RAD52: variants seen among roughly 807,000 people sequenced by gnomAD.
RAD52 encodes RAD52 DNA repair protein.
In RAD52, 47 loss-of-function variants were observed where a neutral mutation model predicts 55.5. The observed-to-expected ratio is 0.85, with a 90% CI of 0.67 to 1.08. The LOEUF is 1.08. RAD52 is among the 50% of genes least tolerant of loss of function. The pLI is 0.00. For missense variants in RAD52, 468 were observed against 522.8 expected, an observed-to-expected ratio of 0.90 and a Z score of 1.02; for synonymous variants, 184 against 198.9, an observed-to-expected ratio of 0.92 and a Z score of 0.63.
chr12:974,738 CTAAG>C (rs997101648), intron 1 of RAD52: 4 of 152,188 alleles, frequency 2.6e-5, no homozygotes, highest in East Asian at 1.9e-4. Context: ...CTGTGATACT[CTAAG>C]TGTCTTACAT....
rs77675962 is a variant in RAD52 at position 936,841 on chromosome 12, T to C, written c.-18-3765A>G. The C allele has an allele frequency of 2.0e-5, 3 of 152,404 alleles. No homozygotes were observed. The East Asian group carries it at 5.8e-4, about 29-fold the overall frequency. The allele number at this position is 152,404 out of a possible 1,614,324, so 9.4% of individuals were successfully genotyped here. On this transcript the variant is annotated intron_variant, in intron 1 of 11. Coordinates refer to ENST00000358495, the MANE Select transcript of RAD52 (RefSeq NM_134424.4). ...CAAATCTTCTTGGCCTTGTGTGTCC[T>C]TGAGGCCCTTGGTCACTTTGTCCAC... is the stretch of plus-strand genomic sequence containing the variant.
At chr12:973,094 G>A (rs1958886644) in intron 1 of RAD52, among the ~76,000 whole-genome samples, 1 of 152,122 alleles carries the variant, frequency 6.6e-6, no homozygotes, top group African/African-American at 2.4e-5. Context: ...TTTTGAGACG[G>A]AGTCTCGCTC....
Position 916,456 on chromosome 12 carries a change from G to C in RAD52, c.753C>G (p.Ser251Arg). 3 of 1,607,252 alleles carry C rather than the reference G, an allele frequency of 1.9e-6. No homozygotes were observed. Among genetic ancestry groups the C allele is most frequent in the Non-Finnish European group, 2.5e-6 (3 of 1,179,324 alleles). The change falls in exon 9 of 12, where the codon AGC (serine) becomes AGG (arginine). Residue 251 changes from serine to arginine, a missense_variant. Physicochemically the swap from Ser to Arg is moderately radical, Grantham distance 110 (BLOSUM62 -1). Coordinates refer to ENST00000358495, the MANE Select transcript of RAD52 (RefSeq NM_134424.4). Reference sequence around the variant, plus strand: ...GGAGCTTCCGCTGGTGCGTGGCCTCGCTCTCCACGGCGGATGAGCTCAGGC... The same window carrying C: ...GGAGCTTCCGCTGGTGCGTGGCCTCCCTCTCCACGGCGGATGAGCTCAGGC... ...SRSLSSSAVE[S>R]EATHQRKLRQ...
chr12:971,120 T>G (rs1242178845), intron 1 of RAD52, among the ~76,000 whole-genome samples: 1 of 152,174 alleles, frequency 6.6e-6, no homozygotes, highest in Non-Finnish European at 1.5e-5. Context: ...AGCAGCAAGC[T>G]CCTTTGGTTG....
intron 1 of RAD52, among the ~76,000 whole-genome samples, chr12:987,858 G>A (rs1004555881): frequency 2.6e-5 from 4 of 151,932 alleles, no homozygotes; most frequent in Admixed American, 1.3e-4. Flanking sequence ...CACTGCACCC[G>A]GCCCTATTTT....
intron 9 of RAD52, chr12:916,075 T>C: frequency 1.0e-6 from 1 of 966,104 alleles, no homozygotes; most frequent in Non-Finnish European, 1.4e-6. Flanking sequence ...TTCTTTACCC[T>C]GAAATTTCTA....
intron 1 of RAD52, among the ~76,000 whole-genome samples, chr12:957,939 T>C (rs368756730): frequency 1.6e-4 from 24 of 152,390 alleles, no homozygotes; most frequent in African/African-American, 5.8e-4. Context: ...TGAATCTCGT[T>C]GTGGGCAGTG....
intron 2 of RAD52, 100 bp from the exon 3 acceptor site, chr12:931,421 C>T (rs1957323468): frequency 4.7e-6 from 4 of 856,806 alleles, no homozygotes; most frequent in Non-Finnish European, 7.0e-6. Flanking sequence ...AAAAAGACCC[C>T]CCAGAACCTT....
chr12:964,717 C>T (rs1958734067), intron 1 of RAD52, among the ~76,000 whole-genome samples: 1 of 151,958 alleles, frequency 6.6e-6, no homozygotes. Context: ...AAGCTGGAAC[C>T]ACAGGCGCAT....
Position 912,700 on chromosome 12 carries a change from G to A in RAD52, c.*691C>T, listed in dbSNP as rs1483009723. The A allele has an allele frequency of 7.4e-6, 1 of 134,664 alleles. No homozygotes were observed. Among genetic ancestry groups the A allele is most frequent in the African/African-American group, 3.1e-5 (1 of 32,776 alleles). 8.3% of individuals were successfully genotyped at this position (134,664 alleles called of 1,614,324 possible). ...TTTGCACCACTGAACTCCAGTCAGG[G>A]CAACACAGCCAGACCCCGTCTCAAA... On this transcript the variant is annotated 3_prime_UTR_variant, in exon 12 of 12. Transcript: ENST00000358495.
At chr12:918,178 C>T (rs1441147104) in intron 7 of RAD52, among the ~76,000 whole-genome samples, 1 of 152,180 alleles carries the variant, frequency 6.6e-6, no homozygotes, top group Non-Finnish European at 1.5e-5. Flanking sequence ...CTAATCGAAA[C>T]AGCCACAAGC....
chr12:945,584 C>T (rs145037960), intron 1 of RAD52, among the ~76,000 whole-genome samples: 1,981 of 151,116 alleles, frequency 0.013, 27 homozygotes, highest in Non-Finnish European at 0.02. Flanking sequence ...CAGGCATGCG[C>T]GACCACACCC....
At chr12:922,203 A>AAAC (rs68130693) in intron 7 of RAD52, among the ~76,000 whole-genome samples, 17,900 of 146,648 alleles carry the variant, frequency 0.12, 1,438 homozygotes, top group Middle Eastern at 0.21. Flanking sequence ...AAAAAAAAAA[A>AAAC]AAAAAAAAAA....
chr12:957,466 CA>C (rs71055109), intron 1 of RAD52, among the ~76,000 whole-genome samples: 411 of 44,054 alleles, frequency 9.3e-3, no homozygotes, highest in South Asian at 0.069. Flanking sequence ...AACTTCGTCT[CA>C]AAAAAAAAAA....
intron 1 of RAD52, chr12:975,351 G>T (rs985890208): frequency 1.3e-5 from 2 of 151,992 alleles, no homozygotes; most frequent in Non-Finnish European, 1.5e-5. Flanking sequence ...CATTTATCAG[G>T]TATCAAAAAC....
rs1472977029 is a variant in RAD52, at chr12:916,654, T to G, written c.710A>C (p.Gln237Pro). The G allele has an allele frequency of 5.0e-6, 8 of 1,613,598 alleles. No individual in the cohort carries two copies. ...GGCCGCATACCGGGAGCTGCAGTCC[T>G]GGTCCGCCGGTATCACAGCATGGCT... ...RPSHAVIPAD[Q>P]DCSSRSLSSS... Residue 237 changes from glutamine to proline, a missense_variant, in exon 8 of 12, where the codon CAG (glutamine) becomes CCG (proline). Transcript: ENST00000358495.
At chr12:950,578 A>AAG, upstream of RAD52, among the ~76,000 whole-genome samples, 1 of 151,176 alleles carries the variant, frequency 6.6e-6, no homozygotes, top group East Asian at 1.9e-4. Context: ...TCTCAAAAAA[A>AAG]AAAAAAAAAG....
At chr12:922,700 GACACATAT>G (rs556347222) in intron 7 of RAD52, among the ~76,000 whole-genome samples, 797 of 152,274 alleles carry the variant, frequency 5.2e-3, no homozygotes, top group Non-Finnish European at 9.2e-3. Flanking sequence ...ACAGAAAGTA[GACACATAT>G]ACCTATAATC....
chr12:950,427 C>T (rs1958496766), upstream of RAD52, among the ~76,000 whole-genome samples: 1 of 151,912 alleles, frequency 6.6e-6, no homozygotes, highest in Non-Finnish European at 1.5e-5. Context: ...AAAAATTAGC[C>T]GGGCGTGGTG....
Sources: gnomAD v4.1 joint callset for allele counts (sites outside exome capture counted in the v4.1 genomes callset) on GRCh38, gnomAD v4.1.1 for gene constraint, MANE v1.5 for transcripts, NCBI Gene and HGNC (gene_info 2026-07-23, HGNC 2026-07-21) for gene names.